LRBA: variants seen among roughly 807,000 people sequenced by gnomAD.
LRBA encodes LPS responsive beige-like anchor protein, also known as lipopolysaccharide-responsive and beige-like anchor protein.
A neutral mutation model predicts 330.0 loss-of-function variants in LRBA; 176 were observed. The ratio of observed to expected loss-of-function variants is 0.53; its 90% confidence interval spans 0.47 to 0.60. The LOEUF (loss-of-function observed/expected upper bound fraction) is 0.60, where lower values mean the gene tolerates loss of function less well. Ranked by LOEUF, LRBA falls within the 20% of genes least tolerant of loss-of-function variation. The probability of loss-of-function intolerance (pLI) is 0.00; values close to 1 mark genes in which losing one functional copy is unlikely to be tolerated. For missense variants in LRBA, 3,259 were observed against 3,444.8 expected, an observed-to-expected ratio of 0.95 and a Z score of 1.35; for synonymous variants, 1,230 against 1,193.0, an observed-to-expected ratio of 1.03 and a Z score of -0.64.
chr4:150,457,039 G>A (rs770187818), intron 44 of LRBA, among the ~76,000 whole-genome samples: 6 of 151,740 alleles, frequency 4.0e-5, no homozygotes, highest in African/African-American at 7.3e-5. Context: ...GCAGTTCAAC[G>A]GGATGTGTAT....
intron 2 of LRBA, among the ~76,000 whole-genome samples, chr4:150,987,403 C>A (rs993339622): frequency 6.6e-6 from 1 of 152,238 alleles, no homozygotes; most frequent in Middle Eastern, 3.4e-3. Flanking sequence ...GATAAAAGTG[C>A]CAGTCAGCAA....
intron 22 of LRBA, among the ~76,000 whole-genome samples, chr4:150,866,893 A>T (rs1055404863): frequency 1.3e-5 from 2 of 152,080 alleles, no homozygotes; most frequent in Non-Finnish European, 2.9e-5. Context: ...AAAACTCTTT[A>T]TTGTTTAGAG....
chr4:150,638,001 T>A (rs1404510609), intron 37 of LRBA, among the ~76,000 whole-genome samples: 3 of 152,128 alleles, frequency 2.0e-5, no homozygotes, highest in Non-Finnish European at 2.9e-5. Context: ...GAAACTTACA[T>A]AGGGGATTAT....
At position 151,014,494 on chromosome 4, in the gene LRBA, A is replaced by C; in HGVS notation, c.149T>G (p.Val50Gly). The C allele has an allele frequency of 6.2e-7, 1 of 1,614,208 alleles. No individual in the cohort carries two copies. Among genetic ancestry groups the C allele is most frequent in the South Asian group, 1.1e-5 (1 of 91,080 alleles). The change falls in exon 2 of 57, where the codon GTG becomes GGG. Residue 50 changes from valine to glycine, a missense_variant. By Grantham distance (109) the Val-to-Gly change is moderately radical. Transcript: ENST00000651943. ...PIRGIRMKFA[V>G]LTGLVEVGEV... Reference sequence around the variant, plus strand: ...TCCAACTTCAACCAAACCGGTCAACACGGCAAATTTCATTCTGATGCCCCT... The same window carrying C: ...TCCAACTTCAACCAAACCGGTCAACCCGGCAAATTTCATTCTGATGCCCCT...
At chr4:150,317,876 AACTG>A (rs1452599516) in intron 50 of LRBA, among the ~76,000 whole-genome samples, 8 of 152,306 alleles carry the variant, frequency 5.3e-5, no homozygotes, top group African/African-American at 1.9e-4. Flanking sequence ...AATTGCCAAT[AACTG>A]ACTGTTTTGA....
At chr4:150,343,422 G>C (rs565678215) in intron 48 of LRBA, among the ~76,000 whole-genome samples, 1 of 152,262 alleles carries the variant, frequency 6.6e-6, no homozygotes, top group Admixed American at 6.5e-5. Flanking sequence ...GTGAGCTCCA[G>C]GAGGGAACAG....
At chr4:150,727,067 G>GTTTTTTTTTTTTTTTTT (rs34671398) in intron 36 of LRBA, among the ~76,000 whole-genome samples, 1 of 79,500 alleles carries the variant, frequency 1.3e-5, no homozygotes, top group Admixed American at 2.1e-4. Flanking sequence ...ACATTTCGTT[G>GTTTTTTTTTTTTTTTTT]TTTTTTTTTT....
intron 17 of LRBA, among the ~76,000 whole-genome samples, chr4:150,878,376 C>T (rs573732717): frequency 3.1e-4 from 47 of 151,760 alleles, no homozygotes; most frequent in Non-Finnish European, 5.9e-4. Context: ...CACTAATGGC[C>T]TAAGTCAAAA....
At chr4:150,921,122 G>GA in intron 5 of LRBA, 76 bp downstream of exon 5, 1 of 884,444 alleles carries the variant, frequency 1.1e-6, no homozygotes, top group Non-Finnish European at 1.9e-6. Flanking sequence ...CCTGTCAGGG[G>GA]TGTTCACAGG....
chr4:150,978,006 T>C (rs1740394941), intron 2 of LRBA, among the ~76,000 whole-genome samples: 1 of 152,270 alleles, frequency 6.6e-6, no homozygotes, highest in African/African-American at 2.4e-5. Context: ...CTTCGCCAAC[T>C]GCTGATGGTA....
At chr4:150,524,621 G>A (rs1284986743) in intron 40 of LRBA, among the ~76,000 whole-genome samples, 2 of 152,130 alleles carry the variant, frequency 1.3e-5, no homozygotes, top group South Asian at 2.1e-4. Context: ...GGCTTTCACA[G>A]TCTGTAGGCA....
intron 48 of LRBA, among the ~76,000 whole-genome samples, chr4:150,349,062 G>C (rs1736790291): frequency 6.6e-6 from 1 of 152,148 alleles, no homozygotes; most frequent in Non-Finnish European, 1.5e-5. Context: ...TAATGCAAGT[G>C]TACATCTAGT....
At chr4:150,952,146 G>A (rs1347385706) in intron 2 of LRBA, among the ~76,000 whole-genome samples, 2 of 152,038 alleles carry the variant, frequency 1.3e-5, no homozygotes, top group African/African-American at 2.4e-5. Flanking sequence ...CACCTCCAAG[G>A]AGCAGTACTG....
At chr4:150,895,746 G>C (rs148599356) in intron 16 of LRBA, among the ~76,000 whole-genome samples, 1 of 152,112 alleles carries the variant, frequency 6.6e-6, no homozygotes, top group Non-Finnish European at 1.5e-5. Context: ...ATAAACATAC[G>C]TGTGCATGTG....
chr4:150,587,782 A>C (rs1461993800), intron 40 of LRBA, among the ~76,000 whole-genome samples: 5 of 152,072 alleles, frequency 3.3e-5, no homozygotes, highest in African/African-American at 1.2e-4. Context: ...ATTTATAGAC[A>C]ATGTTCTCGG....
chr4:150,388,393 A>G (rs1398358421), intron 47 of LRBA, among the ~76,000 whole-genome samples: 3 of 152,222 alleles, frequency 2.0e-5, no homozygotes, highest in African/African-American at 7.2e-5. Context: ...CATTAATTCC[A>G]TCCCAAATGC....
chr4:150,941,895 T>A (rs897941311), intron 2 of LRBA, among the ~76,000 whole-genome samples: 8 of 150,506 alleles, frequency 5.3e-5, no homozygotes, highest in African/African-American at 1.7e-4. Context: ...AAAAAAAAAA[T>A]TCTTAGTAAT....
chr4:150,694,435 T>A (rs1298278917), intron 36 of LRBA, among the ~76,000 whole-genome samples: 2 of 121,136 alleles, frequency 1.7e-5, no homozygotes, highest in African/African-American at 3.3e-5. Flanking sequence ...TTGTACTTGA[T>A]CCCTTACCTT....
chr4:150,915,604 T>C lies in LRBA; in HGVS notation c.1014+4A>G, dbSNP rs1310205176. 1 of 1,602,334 alleles carries C rather than the reference T, an allele frequency of 6.2e-7. No individual in the cohort carries two copies. The highest frequency in any genetic ancestry group is 8.5e-7 in the Non-Finnish European group (1 of 1,176,634). Reference sequence around the variant, plus strand: ...TTTCATTGCAACATTTTGAAACTACTTACATCGCTAGTGTTGACAAACCAT... The same window carrying C: ...TTTCATTGCAACATTTTGAAACTACCTACATCGCTAGTGTTGACAAACCAT... On this transcript the variant is annotated splice_donor_region_variant and intron_variant, in intron 8 of 56. Transcript: ENST00000651943.
Sources: allele counts gnomAD v4.1 joint callset (sites outside exome capture counted in the v4.1 genomes callset), GRCh38; gene constraint gnomAD v4.1.1; transcripts MANE v1.5; gene names NCBI Gene and HGNC (gene_info 2026-07-23, HGNC 2026-07-21).